The following PTPRN2 variants were observed in gnomAD, a reference collection of about 807,000 sequenced individuals.
The protein encoded by PTPRN2 is receptor-type tyrosine-protein phosphatase N2.
A neutral mutation model predicts 118.8 loss-of-function variants in PTPRN2; 74 were observed. The observed-to-expected ratio is 0.62, with a 90% confidence interval of 0.52 to 0.76. The LOEUF is 0.76. Among genes scored for constraint, PTPRN2 ranks in the 30% least tolerant of loss-of-function variants. PTPRN2 has a pLI of 0.00. For synonymous variants in PTPRN2, 641 were observed against 608.0 expected, an observed-to-expected ratio of 1.05 and a Z score of -0.80; for missense variants, 1,481 against 1,394.4, an observed-to-expected ratio of 1.06 and a Z score of -0.99.
chr7:157,963,212 C>T (rs1173481106), intron 11 of PTPRN2, among the ~76,000 whole-genome samples: 1 of 152,228 alleles, frequency 6.6e-6, no homozygotes, highest in African/African-American at 2.4e-5. Context: ...AGAGACAGTC[C>T]CTCCCTTCTG....
At chr7:157,951,682 C>A (rs1316853792) in intron 11 of PTPRN2, among the ~76,000 whole-genome samples, 1 of 152,246 alleles carries the variant, frequency 6.6e-6, no homozygotes, top group African/African-American at 2.4e-5. Context: ...AGTCTTCAGG[C>A]CTCAGGCACT....
intron 11 of PTPRN2, among the ~76,000 whole-genome samples, chr7:158,004,032 TGGGA>T (rs1805472113): frequency 6.6e-6 from 1 of 152,096 alleles, no homozygotes; most frequent in African/African-American, 2.4e-5. Flanking sequence ...GGCTCTCGGA[TGGGA>T]GCAGCCCCCA....
At chr7:158,200,183 G>A (rs577760340) in intron 4 of PTPRN2, among the ~76,000 whole-genome samples, 9 of 152,228 alleles carry the variant, frequency 5.9e-5, no homozygotes, top group African/African-American at 2.2e-4. Flanking sequence ...TATAAAAGCT[G>A]AGTTTCAAAC....
At chr7:158,071,702 G>T (rs1435073930) in intron 11 of PTPRN2, among the ~76,000 whole-genome samples, 1 of 143,022 alleles carries the variant, frequency 7.0e-6, no homozygotes, top group Admixed American at 7.0e-5. Context: ...TGCTTGTGGT[G>T]GAGGTGCTCC....
chr7:157,574,976 A>C (rs922227953), intron 19 of PTPRN2, among the ~76,000 whole-genome samples: 11 of 152,226 alleles, frequency 7.2e-5, no homozygotes, highest in Non-Finnish European at 1.6e-4. Context: ...GGGGTTCATT[A>C]GCTTTTGAAT....
chr7:158,394,847 G>A (rs1272718412), intron 2 of PTPRN2, among the ~76,000 whole-genome samples: 1 of 152,228 alleles, frequency 6.6e-6, no homozygotes, highest in African/African-American at 2.4e-5. Context: ...CTGACCAGAG[G>A]CATTTACCGT....
At chr7:158,165,418 C>A (rs1279437120) in intron 6 of PTPRN2, among the ~76,000 whole-genome samples, 3 of 152,264 alleles carry the variant, frequency 2.0e-5, no homozygotes, top group Non-Finnish European at 2.9e-5. Context: ...TCGGCCTCCT[C>A]CGCCGTCCTT....
At chr7:157,920,146 C>T (rs568336060) in intron 11 of PTPRN2, among the ~76,000 whole-genome samples, 2 of 152,098 alleles carry the variant, frequency 1.3e-5, no homozygotes, top group Non-Finnish European at 2.9e-5. Flanking sequence ...CATTAAGCAA[C>T]GCATCGCTGT....
At chr7:157,912,478 G>T (rs1585004986) in intron 11 of PTPRN2, among the ~76,000 whole-genome samples, 1 of 152,156 alleles carries the variant, frequency 6.6e-6, no homozygotes, top group African/African-American at 2.4e-5. Context: ...GCTTCTTAAA[G>T]TTCCTGGTTT....
intron 12 of PTPRN2, among the ~76,000 whole-genome samples, chr7:157,712,553 C>A (rs1798697656): frequency 6.6e-6 from 1 of 151,930 alleles, no homozygotes; most frequent in Non-Finnish European, 1.5e-5. Context: ...GAGTTTAAGA[C>A]CAGCCTGACC....
chr7:158,134,717 C>G (rs1298137384), intron 8 of PTPRN2, among the ~76,000 whole-genome samples: 1 of 152,166 alleles, frequency 6.6e-6, no homozygotes, highest in African/African-American at 2.4e-5. Flanking sequence ...GCCGGATCCC[C>G]TTTTCCTGGA....
At chr7:157,788,666 G>C (rs1431974517) in intron 12 of PTPRN2, among the ~76,000 whole-genome samples, 1 of 152,226 alleles carries the variant, frequency 6.6e-6, no homozygotes, top group Non-Finnish European at 1.5e-5. Context: ...TGGGCTATGC[G>C]GGGAAGATGT....
intron 1 of PTPRN2, among the ~76,000 whole-genome samples, chr7:158,537,064 C>G: frequency 6.6e-6 from 1 of 152,180 alleles, no homozygotes. Context: ...GGAGCCCACC[C>G]TCTGCTCGCC....
Position 157,625,121 on chromosome 7 carries a change from C to T in PTPRN2, c.2197-3612G>A, listed in dbSNP as rs149850679. Among the ~76,000 whole-genome samples the T allele has an allele frequency of 1.1e-3, 168 of 152,292 alleles. 2 individuals carry two copies. The East Asian group carries it at 0.026, about 24-fold the overall frequency. ...ATGCAGTGAACAGGGAACACTTCTT[C>T]GCTGCTGATGGGAATGTAAACTAGT... On this transcript the variant is annotated intron_variant, in intron 14 of 22. Coordinates refer to ENST00000389418, the MANE Select transcript of PTPRN2 (RefSeq NM_002847.5).
chr7:157,730,449 G>A (rs1229974292), intron 12 of PTPRN2, among the ~76,000 whole-genome samples: 1 of 152,204 alleles, frequency 6.6e-6, no homozygotes, highest in Non-Finnish European at 1.5e-5. Context: ...CCCTTTCTGG[G>A]GTTCCTGGGC....
intron 12 of PTPRN2, among the ~76,000 whole-genome samples, chr7:157,731,240 C>T (rs147727846): frequency 0.011 from 1,652 of 152,276 alleles, 8 homozygotes; most frequent in South Asian, 0.018. Flanking sequence ...CCCTGAGTTC[C>T]GAGGAAGGTA....
At chr7:158,092,141 T>C (rs566346674) in intron 10 of PTPRN2, among the ~76,000 whole-genome samples, 3 of 150,790 alleles carry the variant, frequency 2.0e-5, no homozygotes, top group Admixed American at 6.6e-5. Flanking sequence ...AGTGGGTACA[T>C]GGATGAGTAG....
chr7:157,747,189 G>GTCCCTGAGCTGTGGGCTGTTGA (rs1801014717), intron 12 of PTPRN2, among the ~76,000 whole-genome samples: 1 of 86,346 alleles, frequency 1.2e-5, no homozygotes, highest in African/African-American at 5.1e-5. Flanking sequence ...TGGGGTGTGC[G>GTCCCTGAGCTGTGGGCTGTTGA]GGTGATTCTG....
intron 10 of PTPRN2, among the ~76,000 whole-genome samples, chr7:158,096,096 C>T (rs750898814): frequency 6.6e-6 from 1 of 152,122 alleles, no homozygotes; most frequent in Non-Finnish European, 1.5e-5. Context: ...TTTTTCCTAA[C>T]AGCAATGAAA....
Sources: allele counts gnomAD v4.1 joint callset (sites outside exome capture counted in the v4.1 genomes callset), GRCh38; gene constraint gnomAD v4.1.1; transcripts MANE v1.5; gene names NCBI Gene and HGNC (gene_info 2026-07-23, HGNC 2026-07-21).